CPEB1: variants seen among roughly 807,000 people sequenced by gnomAD.
The protein encoded by CPEB1 is cytoplasmic polyadenylation element-binding protein 1.
In CPEB1, 7 loss-of-function variants were observed where a neutral mutation model predicts 65.8. The observed-to-expected ratio is 0.11, with a 90% CI of 0.06 to 0.20. CPEB1 has a LOEUF of 0.20. Among genes scored for constraint, CPEB1 ranks in the 10% least tolerant of loss-of-function variants. The probability of loss-of-function intolerance (pLI) is 1.00; values close to 1 mark genes in which losing one functional copy is unlikely to be tolerated. For missense variants in CPEB1, 551 were observed against 712.2 expected, an observed-to-expected ratio of 0.77 and a Z score of 2.58; for synonymous variants, 262 against 260.0, an observed-to-expected ratio of 1.01 and a Z score of -0.08.
At chr15:82,614,856 T>G (rs2044550437) in intron 3 of CPEB1, among the ~76,000 whole-genome samples, 1 of 99,534 alleles carries the variant, frequency 1.0e-5, no homozygotes, top group South Asian at 3.4e-4. Context: ...TAAGTGTGTG[T>G]GTGTGTGTGT....
chr15:82,643,387 T>C (rs1409804864), intron 1 of CPEB1, among the ~76,000 whole-genome samples: 4 of 152,158 alleles, frequency 2.6e-5, no homozygotes, highest in African/African-American at 9.7e-5. Flanking sequence ...ATCCCAGCAC[T>C]GTGGGAGGCT....
At chr15:82,603,973 C>A (rs575645981) in intron 3 of CPEB1, among the ~76,000 whole-genome samples, 2 of 152,248 alleles carry the variant, frequency 1.3e-5, no homozygotes, top group Non-Finnish European at 2.9e-5. Context: ...GGGAAAAAAT[C>A]ACTAAAAATG....
At chr15:82,546,377 G>A (rs2035213219) in intron 12 of CPEB1, 64 bp downstream of exon 12, 5 of 1,356,310 alleles carry the variant, frequency 3.7e-6, no homozygotes, top group Middle Eastern at 1.8e-4. Flanking sequence ...TTACAGGTGT[G>A]AACCACCGCG....
intron 4 of CPEB1, among the ~76,000 whole-genome samples, chr15:82,567,265 T>G (rs1309665601): frequency 6.6e-6 from 1 of 152,148 alleles, no homozygotes; most frequent in Non-Finnish European, 1.5e-5. Context: ...TAGGCTGATG[T>G]AGCCTGCAGA....
intron 1 of CPEB1, chr15:82,629,315 G>GT: frequency 1.0e-6 from 1 of 984,894 alleles, no homozygotes; most frequent in Non-Finnish European, 1.2e-6. Flanking sequence ...TACAAGAGAG[G>GT]TAAGTACCAA....
intron 4 of CPEB1, among the ~76,000 whole-genome samples, chr15:82,559,664 T>C (rs1285553552): frequency 6.6e-6 from 1 of 152,212 alleles, no homozygotes; most frequent in Non-Finnish European, 1.5e-5. Context: ...CAAGGAAACA[T>C]TCCTAACTTT....
chr15:82,596,189 T>C (rs930091391), intron 3 of CPEB1, among the ~76,000 whole-genome samples: 5 of 152,226 alleles, frequency 3.3e-5, no homozygotes, highest in African/African-American at 7.2e-5. Context: ...CAATTAGGTC[T>C]AATTTTTACT....
intron 3 of CPEB1, among the ~76,000 whole-genome samples, chr15:82,618,040 A>G (rs2044920116): frequency 6.6e-6 from 1 of 151,910 alleles, no homozygotes; most frequent in Admixed American, 6.6e-5. Flanking sequence ...TAACTTTTGT[A>G]ACTTCTTTGT....
chr15:82,614,411 A>G (rs2044489489), intron 3 of CPEB1, among the ~76,000 whole-genome samples: 1 of 152,238 alleles, frequency 6.6e-6, no homozygotes, highest in African/African-American at 2.4e-5. Flanking sequence ...TCTATGTTTA[A>G]CAATTTGGAA....
At chr15:82,580,857 T>TTC (rs2041217288) in intron 3 of CPEB1, among the ~76,000 whole-genome samples, 1 of 151,660 alleles carries the variant, frequency 6.6e-6, no homozygotes. Flanking sequence ...TTCTTTTTTT[T>TTC]TTTTCTTTTT....
chr15:82,569,559 C>G (rs2039698453), intron 4 of CPEB1, among the ~76,000 whole-genome samples: 1 of 152,194 alleles, frequency 6.6e-6, no homozygotes, highest in African/African-American at 2.4e-5. Flanking sequence ...CAGCTACAAG[C>G]ACAGGCCTTT....
intron 3 of CPEB1, among the ~76,000 whole-genome samples, chr15:82,616,049 A>C (rs940045706): frequency 1.3e-5 from 2 of 152,146 alleles, no homozygotes; most frequent in Non-Finnish European, 2.9e-5. Flanking sequence ...ACAAATAACT[A>C]TCAATATGTA....
At chr15:82,551,378 TGA>T (rs1331403734) in intron 9 of CPEB1, among the ~76,000 whole-genome samples, 2 of 152,180 alleles carry the variant, frequency 1.3e-5, no homozygotes, top group Admixed American at 6.5e-5. Context: ...GGATCCCGCA[TGA>T]GAGTGGAACA....
intron 3 of CPEB1, among the ~76,000 whole-genome samples, chr15:82,598,976 T>C (rs997880335): frequency 1.3e-5 from 2 of 152,140 alleles, no homozygotes; most frequent in Admixed American, 6.5e-5. Context: ...TTTTAACTCT[T>C]ATATCTGAGG....
intron 3 of CPEB1, among the ~76,000 whole-genome samples, chr15:82,595,417 A>G (rs1233045938): frequency 2.0e-5 from 3 of 152,238 alleles, no homozygotes; most frequent in South Asian, 2.1e-4. Flanking sequence ...TTAGCAATGT[A>G]TAAGAGTTTC....
At chr15:82,633,523 C>G (rs1268461603) in intron 1 of CPEB1, among the ~76,000 whole-genome samples, 1 of 152,174 alleles carries the variant, frequency 6.6e-6, no homozygotes, top group Non-Finnish European at 1.5e-5. Flanking sequence ...CAGGCATGTG[C>G]CACCACGCCT....
chr15:82,558,015 A>G (rs1309801752), intron 4 of CPEB1, 29 bp from the exon 5 acceptor site: 12 of 1,474,780 alleles, frequency 8.1e-6, no homozygotes, highest in Non-Finnish European at 1.1e-5. Flanking sequence ...AAACCTCATG[A>G]CCTCTTAGTT....
chr15:82,579,310 A>G (rs12903954), intron 3 of CPEB1, among the ~76,000 whole-genome samples: 2,236 of 152,234 alleles, frequency 0.015, 28 homozygotes, highest in East Asian at 0.024. Flanking sequence ...AAAGTAAGAC[A>G]AATAGCTGGA....
At chr15:82,553,403 G>C (rs760308016) in intron 8 of CPEB1, 64 bp downstream of exon 8, 2 of 1,255,238 alleles carry the variant, frequency 1.6e-6, no homozygotes, top group Non-Finnish European at 2.3e-6. Context: ...CCTAGGTGCA[G>C]TTATGTACTA....
Sources: gnomAD v4.1 joint callset for allele counts (sites outside exome capture counted in the v4.1 genomes callset) on GRCh38, gnomAD v4.1.1 for gene constraint, MANE v1.5 for transcripts, NCBI Gene and HGNC (gene_info 2026-07-23, HGNC 2026-07-21) for gene names.